The following SOX6 variants were observed in gnomAD, a reference collection of about 807,000 sequenced individuals.
SOX6 encodes transcription factor SOX-6.
SOX6 carries 11 observed loss-of-function variants against 97.8 expected under a neutral mutation model. That is an observed-to-expected ratio of 0.11 (90% confidence interval 0.07 to 0.19). The LOEUF (loss-of-function observed/expected upper bound fraction) is 0.19. Ranked by LOEUF, SOX6 falls within the 10% of genes least tolerant of loss-of-function variation. The pLI is 1.00. For missense variants in SOX6, 810 were observed against 1,039.5 expected, an observed-to-expected ratio of 0.78 and a Z score of 3.04; for synonymous variants, 360 against 371.4, an observed-to-expected ratio of 0.97 and a Z score of 0.35.
intron 4 of SOX6, among the ~76,000 whole-genome samples, chr11:16,538,143 C>G (rs1038646953): frequency 2.6e-5 from 4 of 152,090 alleles, no homozygotes; most frequent in African/African-American, 9.7e-5. Flanking sequence ...AGAAACCGTA[C>G]AAGCCAGAAG....
At chr11:16,144,572 G>T (rs1730428360) in intron 6 of SOX6, among the ~76,000 whole-genome samples, 1 of 152,008 alleles carries the variant, frequency 6.6e-6, no homozygotes, top group African/African-American at 2.4e-5. Context: ...CTGGTTTTTT[G>T]AAAAGATCAA....
chr11:16,107,480 A>T (rs188181637), intron 7 of SOX6, among the ~76,000 whole-genome samples: 12 of 149,730 alleles, frequency 8.0e-5, no homozygotes, highest in Admixed American at 6.7e-4. Context: ...ATTTTAATGT[A>T]TGCTACAATA....
At position 15,969,913 on chromosome 11, in the gene SOX6, G is replaced by A. The variant is rs887943277; in HGVS notation, c.*2896C>T. 9 of 152,168 alleles carry A rather than the reference G, an allele frequency of 5.9e-5. No individual in the cohort carries two copies. The highest frequency in any genetic ancestry group is 1.9e-4 in the East Asian group (1 of 5,202). 9.4% of individuals were successfully genotyped at this position (152,168 alleles called of 1,614,324 possible). ...TACTGTTTGATCCAATGAAAAAGAC[G>A]TTTACAATCAGATCATTCCTGAATA... is the stretch of plus-strand genomic sequence containing the variant. On this transcript the variant is annotated 3_prime_UTR_variant, in exon 16 of 16. Coordinates refer to ENST00000683767, the MANE Select transcript of SOX6 (RefSeq NM_001367873.1).
intron 6 of SOX6, among the ~76,000 whole-genome samples, chr11:16,117,370 A>AAAAC (rs145113861): frequency 2.7e-5 from 4 of 150,522 alleles, no homozygotes; most frequent in African/African-American, 7.3e-5. Context: ...AAACAAAACA[A>AAAAC]AAACAAACAA....
At chr11:16,039,001 C>T (rs1352924937) in intron 12 of SOX6, among the ~76,000 whole-genome samples, 1 of 152,108 alleles carries the variant, frequency 6.6e-6, no homozygotes, top group African/African-American at 2.4e-5. Context: ...TGTAGAAATA[C>T]TGTGGCTGTT....
intron 6 of SOX6, among the ~76,000 whole-genome samples, chr11:16,128,200 T>C (rs886554566): frequency 2.0e-5 from 3 of 152,182 alleles, no homozygotes; most frequent in Admixed American, 6.5e-5. Flanking sequence ...AGAGAAAATA[T>C]ACATTTCCCA....
At chr11:16,556,428 A>G (rs955227624) in intron 4 of SOX6, among the ~76,000 whole-genome samples, 7 of 151,820 alleles carry the variant, frequency 4.6e-5, no homozygotes, top group Admixed American at 3.3e-4. Context: ...CCACTAAAAT[A>G]AAAGTGCTTC....
intron 12 of SOX6, among the ~76,000 whole-genome samples, chr11:16,037,389 C>T (rs1216405495): frequency 6.6e-6 from 1 of 152,134 alleles, no homozygotes; most frequent in Non-Finnish European, 1.5e-5. Flanking sequence ...ACTGGAAAAG[C>T]CCTGTTTCTA....
At chr11:16,570,289 T>C (rs56797977) in intron 4 of SOX6, among the ~76,000 whole-genome samples, 5,005 of 152,220 alleles carry the variant, frequency 0.033, 265 homozygotes, top group African/African-American at 0.11. Flanking sequence ...AGACCTGACA[T>C]ACAGTCAGCA....
intron 4 of SOX6, among the ~76,000 whole-genome samples, chr11:16,230,532 AC>A (rs1449360954): frequency 1.3e-5 from 2 of 151,786 alleles, no homozygotes; most frequent in Non-Finnish European, 3.0e-5. Flanking sequence ...TACTAAGAAA[AC>A]ATCAAAGGAA....
intron 3 of SOX6, among the ~76,000 whole-genome samples, chr11:16,627,805 G>A (rs185131125): frequency 1.8e-4 from 28 of 152,162 alleles, no homozygotes; most frequent in African/African-American, 6.3e-4. Context: ...GTTTAATTAC[G>A]TCCCAATTGT....
intron 4 of SOX6, among the ~76,000 whole-genome samples, chr11:16,567,667 A>T (rs911466617): frequency 6.8e-6 from 1 of 146,132 alleles, no homozygotes; most frequent in African/African-American, 2.5e-5. Context: ...TCTGGGTTCA[A>T]GCAATTCTCC....
chr11:16,735,772 A>T lies in SOX6; in HGVS notation n.353+567T>A, dbSNP rs554545529. ...CTATAAAAAGCACCTAGCAAAGTAT[A>T]TGGTACATGGTGGGTATTTAATAAA... On this transcript the variant is annotated intron_variant and non_coding_transcript_variant, in intron 2 of 5. Coordinates refer to the SOX6 transcript ENST00000524520. Among the ~76,000 whole-genome samples, 7 of 152,318 alleles carry T rather than the reference A, an allele frequency of 4.6e-5. No homozygotes were observed. The East Asian group carries it at 9.6e-4, about 21-fold the overall frequency.
At chr11:16,649,663 C>T (rs1004434421) in intron 3 of SOX6, among the ~76,000 whole-genome samples, 2 of 151,862 alleles carry the variant, frequency 1.3e-5, no homozygotes, top group African/African-American at 4.8e-5. Context: ...TACACCAAAA[C>T]AGAACTTCCT....
chr11:16,141,583 A>G (rs1035377538), intron 6 of SOX6, among the ~76,000 whole-genome samples: 3 of 152,162 alleles, frequency 2.0e-5, no homozygotes, highest in African/African-American at 7.2e-5. Flanking sequence ...TCACCCGAAA[A>G]GCGCAAGGGG....
intron 1 of SOX6, among the ~76,000 whole-genome samples, chr11:16,367,502 A>T (rs1857388891): frequency 6.6e-6 from 1 of 152,302 alleles, no homozygotes; most frequent in African/African-American, 2.4e-5. Context: ...GGCTTAAAGG[A>T]AAGAACCTAC....
chr11:16,430,168 T>C (rs1486914593), intron 1 of SOX6, among the ~76,000 whole-genome samples: 2 of 152,172 alleles, frequency 1.3e-5, no homozygotes, highest in Non-Finnish European at 2.9e-5. Flanking sequence ...GCCTAAAACA[T>C]TTTACATATT....
intron 1 of SOX6, among the ~76,000 whole-genome samples, chr11:16,364,081 C>A (rs1209468048): frequency 6.6e-6 from 1 of 152,078 alleles, no homozygotes; most frequent in Non-Finnish European, 1.5e-5. Context: ...TATTATATTA[C>A]CCAACAAATT....
intron 2 of SOX6, among the ~76,000 whole-genome samples, chr11:16,725,465 C>T (rs184679133): frequency 1.3e-5 from 2 of 151,866 alleles, no homozygotes; most frequent in Non-Finnish European, 2.9e-5. Context: ...TGCCACTGCA[C>T]TCCAGCCTGA....
Sources: gnomAD v4.1 joint callset for allele counts (sites outside exome capture counted in the v4.1 genomes callset) on GRCh38, gnomAD v4.1.1 for gene constraint, MANE v1.5 for transcripts, NCBI Gene and HGNC (gene_info 2026-07-23, HGNC 2026-07-21) for gene names.